Variants in SH3GL3 observed in about 807,000 individuals in gnomAD.
The protein encoded by SH3GL3 is endophilin-A3.
In SH3GL3, 33 loss-of-function variants were observed where a neutral mutation model predicts 47.7. That is an observed-to-expected ratio of 0.69 (90% CI 0.52 to 0.92). The LOEUF (loss-of-function observed/expected upper bound fraction) is 0.92. SH3GL3 is among the 40% of genes least tolerant of loss of function. The pLI, the probability that SH3GL3 is intolerant of heterozygous loss-of-function variation, is 0.00. For missense variants in SH3GL3, 363 were observed against 417.8 expected, an observed-to-expected ratio of 0.87 and a Z score of 1.14; for synonymous variants, 155 against 148.8, an observed-to-expected ratio of 1.04 and a Z score of -0.30.
At chr15:83,541,453 C>T (rs1463480831) in intron 1 of SH3GL3, among the ~76,000 whole-genome samples, 1 of 150,436 alleles carries the variant, frequency 6.6e-6, no homozygotes, top group Non-Finnish European at 1.5e-5. Context: ...CCTGCCTCAG[C>T]CTCCCGAGTA....
chr15:83,568,613 G>C lies in SH3GL3; in HGVS notation c.272G>C (p.Gly91Ala). The C allele has an allele frequency of 1.2e-6, 2 of 1,613,708 alleles. No homozygotes were observed. The highest frequency in any genetic ancestry group is 1.7e-6 in the Non-Finnish European group (2 of 1,179,610). The change falls in exon 4 of 9, where the codon GGC (glycine) becomes GCC (alanine). Residue 91 changes from glycine (G) to alanine (A), a missense_variant. Transcript: ENST00000427482. The part of the protein sequence containing the change: ...VKTTGYPQTE[G>A]LLGDCMLKYG... ...ACCACAGGATACCCGCAGACGGAAGGCTTGCTGGGGGACTGTATGCTGAAA... is the reference window on the plus strand; with the variant it reads ...ACCACAGGATACCCGCAGACGGAAGCCTTGCTGGGGGACTGTATGCTGAAA...
At chr15:83,500,571 G>T (rs1054241798) in intron 1 of SH3GL3, among the ~76,000 whole-genome samples, 1 of 152,236 alleles carries the variant, frequency 6.6e-6, no homozygotes. Context: ...TTCTCGAGTG[G>T]CTGTCCAAGG....
At chr15:83,570,628 T>C (rs888585154) in intron 4 of SH3GL3, among the ~76,000 whole-genome samples, 1 of 152,182 alleles carries the variant, frequency 6.6e-6, no homozygotes. Context: ...TTGCTATTCA[T>C]ATAGTGGTAA....
At chr15:83,523,376 A>C (rs1340033344) in intron 1 of SH3GL3, among the ~76,000 whole-genome samples, 1 of 152,184 alleles carries the variant, frequency 6.6e-6, no homozygotes, top group Non-Finnish European at 1.5e-5. Context: ...GAGTTTGCCT[A>C]GGAAGTGGTG....
At chr15:83,586,112 G>A (rs534109853) in intron 6 of SH3GL3, among the ~76,000 whole-genome samples, 1 of 152,286 alleles carries the variant, frequency 6.6e-6, no homozygotes, top group South Asian at 2.1e-4. Flanking sequence ...GAGTTGATTG[G>A]ATTCTTGCTG....
At chr15:83,570,631 A>C (rs975160352) in intron 4 of SH3GL3, among the ~76,000 whole-genome samples, 11 of 152,226 alleles carry the variant, frequency 7.2e-5, no homozygotes, top group African/African-American at 2.7e-4. Context: ...CTATTCATAT[A>C]GTGGTAACAA....
At chr15:83,503,867 T>C (rs2042384661) in intron 1 of SH3GL3, among the ~76,000 whole-genome samples, 1 of 152,212 alleles carries the variant, frequency 6.6e-6, no homozygotes, top group Admixed American at 6.5e-5. Flanking sequence ...CCTCAAATAG[T>C]GTAAGAAAAG....
At chr15:83,463,767 CTT>C (rs910419812) in intron 1 of SH3GL3, among the ~76,000 whole-genome samples, 4 of 122,914 alleles carry the variant, frequency 3.3e-5, no homozygotes, top group Non-Finnish European at 5.0e-5. Context: ...TTCTTTCTTT[CTT>C]TTTTTTTTTT....
intron 8 of SH3GL3, among the ~76,000 whole-genome samples, chr15:83,612,813 C>G (rs982793051): frequency 2.0e-5 from 3 of 152,200 alleles, no homozygotes; most frequent in African/African-American, 7.2e-5. Flanking sequence ...ATGCTAGGCT[C>G]TGAGTTCTTC....
intron 8 of SH3GL3, among the ~76,000 whole-genome samples, chr15:83,591,953 GT>G (rs2060117501): frequency 6.6e-6 from 1 of 152,168 alleles, no homozygotes; most frequent in Non-Finnish European, 1.5e-5. Flanking sequence ...GATTACAGCT[GT>G]GAGCCACCAG....
intron 1 of SH3GL3, among the ~76,000 whole-genome samples, chr15:83,499,452 T>G (rs77817616): frequency 0.086 from 13,093 of 151,908 alleles, 781 homozygotes; most frequent in East Asian, 0.26. Context: ...TTTATAAATT[T>G]AACCAATTAA....
chr15:83,527,806 A>G (rs2043493089), intron 1 of SH3GL3, among the ~76,000 whole-genome samples: 1 of 152,020 alleles, frequency 6.6e-6, no homozygotes, highest in Admixed American at 6.5e-5. Flanking sequence ...CTTAGTGTTT[A>G]TCATTGCCAC....
intron 5 of SH3GL3, 102 bp downstream of exon 5, chr15:83,572,800 T>G: frequency 1.2e-6 from 1 of 817,990 alleles, no homozygotes; most frequent in Non-Finnish European, 1.9e-6. Context: ...CATCTTATGA[T>G]GCTTGTGGGT....
At chr15:83,590,840 T>C (rs2060075298) in intron 8 of SH3GL3, among the ~76,000 whole-genome samples, 1 of 152,220 alleles carries the variant, frequency 6.6e-6, no homozygotes, top group African/African-American at 2.4e-5. Context: ...ATATGTGATT[T>C]GCAAATATAT....
chr15:83,549,927 T>G (rs2044580390), intron 1 of SH3GL3, among the ~76,000 whole-genome samples: 1 of 152,178 alleles, frequency 6.6e-6, no homozygotes, highest in Non-Finnish European at 1.5e-5. Context: ...ATCACTCCCC[T>G]CAATGCATTT....
chr15:83,481,233 C>A (rs1844861), intron 1 of SH3GL3, among the ~76,000 whole-genome samples: 2 of 149,100 alleles, frequency 1.3e-5, no homozygotes, highest in Middle Eastern at 3.2e-3. Flanking sequence ...CGAGATCCTG[C>A]CACTGCACTC....
chr15:83,482,131 A>G (rs912400428), intron 1 of SH3GL3, among the ~76,000 whole-genome samples: 2 of 152,204 alleles, frequency 1.3e-5, no homozygotes, highest in African/African-American at 4.8e-5. Flanking sequence ...TTGATTTTAC[A>G]TATGTGCTGA....
intron 1 of SH3GL3, among the ~76,000 whole-genome samples, chr15:83,462,547 C>T (rs1278176005): frequency 6.6e-6 from 1 of 152,210 alleles, no homozygotes; most frequent in Non-Finnish European, 1.5e-5. Flanking sequence ...CCAAGTCTTA[C>T]CCAGTTTCTC....
intron 8 of SH3GL3, among the ~76,000 whole-genome samples, chr15:83,606,889 T>A (rs112613995): frequency 5.9e-5 from 9 of 152,336 alleles, no homozygotes; most frequent in African/African-American, 2.2e-4. Flanking sequence ...TGTGGACAGG[T>A]TGAACATTTA....
Sources: allele counts gnomAD v4.1 joint callset (sites outside exome capture counted in the v4.1 genomes callset), GRCh38; gene constraint gnomAD v4.1.1; transcripts MANE v1.5; gene names NCBI Gene and HGNC (gene_info 2026-07-23, HGNC 2026-07-21).